CDH7: variants seen among roughly 807,000 people sequenced by gnomAD.
CDH7 encodes cadherin 7, also known as cadherin-7.
In CDH7, 25 loss-of-function variants were observed where a neutral mutation model predicts 71.8. The ratio of observed to expected loss-of-function variants is 0.35; its 90% confidence interval spans 0.25 to 0.49. The LOEUF is 0.49. CDH7 is among the 20% of genes least tolerant of loss of function. CDH7 has a pLI of 0.99. For missense variants in CDH7, 862 were observed against 974.6 expected (o/e 0.88, Z 1.54); for synonymous variants, 381 against 363.8 (o/e 1.05, Z -0.54).
At chr18:65,837,403 C>G (rs912913886) in intron 6 of CDH7, among the ~76,000 whole-genome samples, 1 of 152,078 alleles carries the variant, frequency 6.6e-6, no homozygotes, top group South Asian at 2.1e-4. Context: ...AGTAAATGTT[C>G]TTGTATCATC....
intron 11 of CDH7, among the ~76,000 whole-genome samples, chr18:65,867,615 T>C (rs1055648190): frequency 1.3e-5 from 2 of 152,212 alleles, no homozygotes; most frequent in African/African-American, 4.8e-5. Context: ...ATATTACAGC[T>C]AAATTCTTTC....
chr18:65,799,491 A>C (rs887104824), intron 2 of CDH7, among the ~76,000 whole-genome samples: 7 of 151,966 alleles, frequency 4.6e-5, no homozygotes, highest in South Asian at 2.1e-4. Flanking sequence ...TCCTGGCTAA[A>C]GAGGTGAAAC....
At chr18:65,877,866 G>T (rs1247719895) in intron 11 of CDH7, among the ~76,000 whole-genome samples, 2 of 152,108 alleles carry the variant, frequency 1.3e-5, no homozygotes, top group Non-Finnish European at 1.5e-5. Flanking sequence ...AAAAATTGTT[G>T]TCTTTCTTGA....
At chr18:65,770,400 G>A in intron 2 of CDH7, among the ~76,000 whole-genome samples, 1 of 151,890 alleles carries the variant, frequency 6.6e-6, no homozygotes, top group East Asian at 1.9e-4. Flanking sequence ...ACATTGTTTT[G>A]GAATAATAAA....
intron 1 of CDH7, among the ~76,000 whole-genome samples, chr18:65,757,782 T>C (rs543124764): frequency 6.4e-5 from 9 of 141,346 alleles, no homozygotes; most frequent in Non-Finnish European, 1.2e-4. Flanking sequence ...TATATCCATA[T>C]ATATATATAT....
intron 10 of CDH7, among the ~76,000 whole-genome samples, chr18:65,861,998 C>A (rs1018785020): frequency 6.6e-6 from 1 of 152,026 alleles, no homozygotes; most frequent in Non-Finnish European, 1.5e-5. Context: ...ACTTATTGAT[C>A]ACTTGTTTAA....
intron 2 of CDH7, among the ~76,000 whole-genome samples, chr18:65,771,599 C>T (rs1282309970): frequency 6.6e-6 from 1 of 151,882 alleles, no homozygotes; most frequent in Non-Finnish European, 1.5e-5. Context: ...TCACTTGAGC[C>T]CGAGAGATGG....
At chr18:65,769,510 G>A (rs1598990774) in intron 2 of CDH7, among the ~76,000 whole-genome samples, 1 of 152,106 alleles carries the variant, frequency 6.6e-6, no homozygotes, top group Non-Finnish European at 1.5e-5. Flanking sequence ...AATATCTTAC[G>A]TGACTACAGC....
In CDH7 at chr18:65,844,838, A is replaced by T. The variant is rs533451217; in HGVS notation, c.1235+773A>T. 1.3e-3 allele frequency among the ~76,000 whole-genome samples: 201 copies of T among 152,138 alleles called. 1 individual carries two copies. Among genetic ancestry groups the T allele is most frequent in the African/African-American group, 4.5e-3 (185 of 41,550 alleles). ...AAATGTCTGTTGTATTATATGTCTT[A>T]TTTGGGTTTGTAAGTAAAATACTTC... On this transcript the variant is annotated intron_variant, in intron 7 of 11. Coordinates refer to ENST00000397968, the MANE Select transcript of CDH7 (RefSeq NM_004361.5).
At chr18:65,757,791 A>ATAT (rs368666189) in intron 1 of CDH7, among the ~76,000 whole-genome samples, 4,000 of 145,720 alleles carry the variant, frequency 0.027, 71 homozygotes, top group Middle Eastern at 0.05. Context: ...ATATATATAT[A>ATAT]TTTTTTTTTT....
rs1914367514 is a variant in CDH7, at chr18:65,886,036, T to C, written c.*5142T>C. On this transcript the variant is annotated 3_prime_UTR_variant, in exon 12 of 12. Transcript: ENST00000397968. ...TCAGTGTGGTATACCAGAAATTACCTCTGGTCTGTGGTTATAAAATCTAGG... is the reference window on the plus strand; with the variant it reads ...TCAGTGTGGTATACCAGAAATTACCCCTGGTCTGTGGTTATAAAATCTAGG... 1 of 152,184 alleles carries C rather than the reference T, an allele frequency of 6.6e-6. No individual in the cohort carries two copies. The highest frequency in any genetic ancestry group is 1.5e-5 in the Non-Finnish European group (1 of 68,028). 9.4% of individuals were successfully genotyped at this position (152,184 alleles called of 1,614,324 possible).
At chr18:65,789,150 A>T (rs2143852820) in intron 2 of CDH7, among the ~76,000 whole-genome samples, 1 of 152,278 alleles carries the variant, frequency 6.6e-6, no homozygotes, top group Non-Finnish European at 1.5e-5. Context: ...TTTGCTGGTG[A>T]ATTTTATTAA....
rs1292567361 is a variant in CDH7, at chr18:65,884,889, C to A, written c.*3995C>A. ...CATTTAAAGTTTTATTTACAGTTGA[C>A]CTAATCCAATTGAAGTTGATGAAAG... On this transcript the variant is annotated 3_prime_UTR_variant, in exon 12 of 12. Transcript: ENST00000397968. 6.6e-6 allele frequency: 1 copy of A among 152,114 alleles called. No homozygotes were observed. The highest frequency in any genetic ancestry group is 1.5e-5 in the Non-Finnish European group (1 of 68,018). 9.4% of individuals were successfully genotyped at this position (152,114 alleles called of 1,614,324 possible).
At chr18:65,853,922 T>TATATAC (rs1913242709) in intron 7 of CDH7, among the ~76,000 whole-genome samples, 1 of 75,808 alleles carries the variant, frequency 1.3e-5, no homozygotes, top group African/African-American at 6.1e-5. Context: ...TATATATATA[T>TATATAC]ATATATATAT....
intron 11 of CDH7, among the ~76,000 whole-genome samples, chr18:65,868,413 G>T (rs1027819336): frequency 6.6e-6 from 1 of 152,152 alleles, no homozygotes; most frequent in African/African-American, 2.4e-5. Context: ...ACAAGTGTCA[G>T]AGTCCGGACC....
rs539383508 is a variant in CDH7, at chr18:65,786,674, C to G, written c.211-23030C>G. 1.6e-4 allele frequency among the ~76,000 whole-genome samples: 25 copies of G among 151,916 alleles called. No homozygotes were observed. In the Middle Eastern group the frequency reaches 0.01, roughly 62 times the overall value. ...ATAATTTCCTTGGCTGCTTCTTTTTCTCTCTCTCTCTTTCTCTTTTTTTCT... is the reference window on the plus strand; with the variant it reads ...ATAATTTCCTTGGCTGCTTCTTTTTGTCTCTCTCTCTTTCTCTTTTTTTCT... On this transcript the variant is annotated intron_variant, in intron 2 of 11. Transcript: ENST00000397968.
chr18:65,853,146 A>C (rs1913208754), intron 7 of CDH7, among the ~76,000 whole-genome samples: 1 of 152,192 alleles, frequency 6.6e-6, no homozygotes, highest in African/African-American at 2.4e-5. Context: ...AAGGAAGCCA[A>C]GTATTTTAGG....
Position 65,859,776 on chromosome 18 carries a change from A to G in CDH7, c.1563A>G (p.Leu521=). ...ATGGACACCAGTTTTACTTCAGCTT[A>G]ACAACGGATGCAACAAATAACCACA... is the stretch of plus-strand genomic sequence containing the variant. ...PSNGHQFYFS[L]TTDATNNHNF... The change falls in exon 10 of 12, where the codon TTA becomes TTG. Residue 521 remains leucine, a synonymous_variant. Coordinates refer to ENST00000397968, the MANE Select transcript of CDH7 (RefSeq NM_004361.5). 6.2e-7 allele frequency: 1 copy of G among 1,611,764 alleles called. No individual in the cohort carries two copies. The highest frequency in any genetic ancestry group is 2.2e-5 in the East Asian group (1 of 44,822).
At chr18:65,796,456 C>G (rs563223016) in intron 2 of CDH7, among the ~76,000 whole-genome samples, 5 of 152,266 alleles carry the variant, frequency 3.3e-5, no homozygotes, top group South Asian at 4.2e-4. Context: ...AACTCAGTCT[C>G]CCATGCCTTG....
Sources: gnomAD v4.1 joint callset for allele counts (sites outside exome capture counted in the v4.1 genomes callset) on GRCh38, gnomAD v4.1.1 for gene constraint, MANE v1.5 for transcripts, NCBI Gene and HGNC (gene_info 2026-07-23, HGNC 2026-07-21) for gene names.